Variants in GRIN3A observed in about 807,000 individuals in gnomAD.
GRIN3A encodes glutamate receptor ionotropic, NMDA 3A.
In GRIN3A, 47 loss-of-function variants were observed where a neutral mutation model predicts 92.4. That is an observed-to-expected ratio of 0.51 (90% CI 0.40 to 0.65). The LOEUF (loss-of-function observed/expected upper bound fraction) is 0.65. Ranked by LOEUF, GRIN3A falls within the 30% of genes least tolerant of loss-of-function variation. The pLI is 0.00. For synonymous variants in GRIN3A, 527 were observed against 540.6 expected, an observed-to-expected ratio of 0.97 and a Z score of 0.35; for missense variants, 1,324 against 1,393.1, an observed-to-expected ratio of 0.95 and a Z score of 0.79.
chr9:101,678,790 T>C (rs1829432588), intron 2 of GRIN3A, among the ~76,000 whole-genome samples: 1 of 152,196 alleles, frequency 6.6e-6, no homozygotes, highest in African/African-American at 2.4e-5. Flanking sequence ...CACACAGACA[T>C]GGTAATCTCT....
At chr9:101,602,569 A>G (rs560413668) in intron 6 of GRIN3A, among the ~76,000 whole-genome samples, 1 of 152,342 alleles carries the variant, frequency 6.6e-6, no homozygotes, top group South Asian at 2.1e-4. Context: ...TTTTAGTTGC[A>G]TAGTAAATAG....
chr9:101,609,748 AAT>A (rs1287922584), intron 6 of GRIN3A, among the ~76,000 whole-genome samples: 7 of 152,222 alleles, frequency 4.6e-5, no homozygotes, highest in Non-Finnish European at 8.8e-5. Context: ...CTGAAATGAC[AAT>A]AGCCTAGAGG....
intron 3 of GRIN3A, among the ~76,000 whole-genome samples, chr9:101,644,431 C>A (rs1828907438): frequency 6.9e-6 from 1 of 145,944 alleles, no homozygotes. Flanking sequence ...GAACTTAGTT[C>A]CTGGCCCCTT....
chr9:101,587,231 A>G (rs1000982621), intron 6 of GRIN3A, among the ~76,000 whole-genome samples: 5 of 151,494 alleles, frequency 3.3e-5, no homozygotes, highest in Non-Finnish European at 7.4e-5. Context: ...AATTGCTTGA[A>G]TCCGGGAGGC....
chr9:101,719,278 G>T (rs1446364642), intron 1 of GRIN3A, among the ~76,000 whole-genome samples: 1 of 152,130 alleles, frequency 6.6e-6, no homozygotes, highest in African/African-American at 2.4e-5. Context: ...AATTCGCCGG[G>T]TGTGGTGGCA....
chr9:101,653,608 C>G (rs1411180574), intron 3 of GRIN3A, among the ~76,000 whole-genome samples: 1 of 151,798 alleles, frequency 6.6e-6, no homozygotes, highest in South Asian at 2.1e-4. Flanking sequence ...ATGATTAATA[C>G]TCACCCTAAA....
chr9:101,690,507 A>G (rs891159793), intron 1 of GRIN3A, among the ~76,000 whole-genome samples: 48 of 152,176 alleles, frequency 3.2e-4, no homozygotes, highest in African/African-American at 1.1e-3. Flanking sequence ...ATCCCAAGTA[A>G]GTGCAGAGCT....
chr9:101,687,048 C>T lies in GRIN3A; in HGVS notation c.852G>A (p.Gln284=), dbSNP rs777975392. Reference sequence around the variant, plus strand: ...AACCAAGGTGGAACTTGGAATTATTCTGGGTAAGGAGGAGGAAGTCGGTGA... The same window carrying T: ...AACCAAGGTGGAACTTGGAATTATTTTGGGTAAGGAGGAGGAAGTCGGTGA... ...WNITDFLLLT[Q]NNSKFHLGSI... Residue 284 remains glutamine, a synonymous_variant, in exon 2 of 9, where the codon CAG becomes CAA. Transcript: ENST00000361820. The T allele has an allele frequency of 1.3e-5, 21 of 1,613,908 alleles. No individual in the cohort carries two copies. The highest frequency in any genetic ancestry group is 1.7e-5 in the Non-Finnish European group (20 of 1,179,980).
chr9:101,687,106 A>G lies in GRIN3A; in HGVS notation c.794T>C (p.Phe265Ser), dbSNP rs1237801828. 1.2e-6 allele frequency: 2 copies of G among 1,614,148 alleles called. No individual in the cohort carries two copies. The highest frequency in any genetic ancestry group is 2.2e-5 in the South Asian group (2 of 91,072). Residue 265 changes from phenylalanine (F) to serine (S), a missense_variant, in exon 2 of 9, where the codon TTT becomes TCT. Coordinates refer to ENST00000361820, the MANE Select transcript of GRIN3A (RefSeq NM_133445.3). ...SILTMNNWYNFSLLLCQEDWN... is the reference protein window; with the variant it reads ...SILTMNNWYNSSLLLCQEDWN... ...GTCTTCCTGGCACAGCAACAAGCTA[A>G]AATTGTACCAGTTGTTCATGGTCAG...
At chr9:101,613,342 C>A in intron 6 of GRIN3A, 34 bp downstream of exon 6, 1 of 1,612,274 alleles carries the variant, frequency 6.2e-7, no homozygotes, top group Non-Finnish European at 8.5e-7. Context: ...TACAGCTATA[C>A]AACGTGTCAC....
intron 1 of GRIN3A, among the ~76,000 whole-genome samples, chr9:101,721,256 C>T (rs1402260894): frequency 6.6e-6 from 1 of 152,168 alleles, no homozygotes; most frequent in African/African-American, 2.4e-5. Context: ...GGGGTTTCCG[C>T]TTTTGCTTCT....
At chr9:101,642,940 A>T (rs1167611041) in intron 3 of GRIN3A, among the ~76,000 whole-genome samples, 2 of 152,142 alleles carry the variant, frequency 1.3e-5, no homozygotes, top group Non-Finnish European at 1.5e-5. Flanking sequence ...GCTCCCACTG[A>T]TTCTACATTA....
intron 1 of GRIN3A, among the ~76,000 whole-genome samples, chr9:101,733,599 T>C (rs1414610391): frequency 6.6e-6 from 1 of 152,218 alleles, no homozygotes; most frequent in East Asian, 1.9e-4. Flanking sequence ...AGCAGATGTT[T>C]TAAAAATAAA....
chr9:101,599,227 G>A (rs1828180208), intron 6 of GRIN3A, among the ~76,000 whole-genome samples: 1 of 152,134 alleles, frequency 6.6e-6, no homozygotes, highest in Non-Finnish European at 1.5e-5. Flanking sequence ...ATATAGAAAT[G>A]TTATGTAAGA....
At chr9:101,574,118 A>C (rs1827796954) in intron 8 of GRIN3A, among the ~76,000 whole-genome samples, 1 of 152,124 alleles carries the variant, frequency 6.6e-6, no homozygotes, top group Non-Finnish European at 1.5e-5. Flanking sequence ...TCCGATGCTT[A>C]AAAAAATCCC....
intron 6 of GRIN3A, among the ~76,000 whole-genome samples, chr9:101,608,783 C>T (rs1828320024): frequency 6.6e-6 from 1 of 152,178 alleles, no homozygotes; most frequent in African/African-American, 2.4e-5. Context: ...AAATATAGAA[C>T]TGTCTTCAAA....
chr9:101,604,378 C>G (rs751298490), intron 6 of GRIN3A, among the ~76,000 whole-genome samples: 8 of 152,164 alleles, frequency 5.3e-5, no homozygotes, highest in Non-Finnish European at 1.0e-4. Context: ...TAATTTTACT[C>G]CATGTCATAA....
At chr9:101,575,767 T>C (rs953117473) in intron 8 of GRIN3A, among the ~76,000 whole-genome samples, 8 of 152,174 alleles carry the variant, frequency 5.3e-5, no homozygotes, top group Non-Finnish European at 1.0e-4. Context: ...TGCATAGATA[T>C]ACTTCCAAGA....
At chr9:101,699,937 C>T (rs1293080779) in intron 1 of GRIN3A, among the ~76,000 whole-genome samples, 2 of 152,098 alleles carry the variant, frequency 1.3e-5, no homozygotes, top group Non-Finnish European at 2.9e-5. Flanking sequence ...TTTTTTGCAT[C>T]GTCAACTCCC....
Sources: allele counts gnomAD v4.1 joint callset (sites outside exome capture counted in the v4.1 genomes callset), GRCh38; gene constraint gnomAD v4.1.1; transcripts MANE v1.5; gene names NCBI Gene and HGNC (gene_info 2026-07-23, HGNC 2026-07-21).